Variants in GRK5 observed in about 807,000 individuals in gnomAD.
The protein encoded by GRK5 is G protein-coupled receptor kinase 5.
GRK5 carries 40 observed loss-of-function variants against 78.4 expected under a neutral mutation model. The observed-to-expected ratio is 0.51, with a 90% CI of 0.40 to 0.66. The LOEUF is 0.66. GRK5 is among the 30% of genes least tolerant of loss of function. GRK5 has a pLI of 0.00. For synonymous variants in GRK5, 289 were observed against 296.8 expected (o/e 0.97, Z 0.27); for missense variants, 598 against 759.9 (o/e 0.79, Z 2.50).
chr10:119,310,585 C>G (rs914171836), intron 1 of GRK5, among the ~76,000 whole-genome samples: 15 of 152,074 alleles, frequency 9.9e-5, no homozygotes, highest in African/African-American at 3.6e-4. Context: ...TCTGCTACTT[C>G]TTGGGAAAAG....
At chr10:119,417,965 G>A (rs749774720) in intron 4 of GRK5, among the ~76,000 whole-genome samples, 9 of 152,184 alleles carry the variant, frequency 5.9e-5, no homozygotes, top group Admixed American at 1.3e-4. Context: ...GGAACTGCCC[G>A]GATCCCCAGA....
intron 1 of GRK5, among the ~76,000 whole-genome samples, chr10:119,215,775 C>T (rs1384747428): frequency 2.6e-5 from 4 of 152,052 alleles, no homozygotes; most frequent in Non-Finnish European, 5.9e-5. Context: ...GCCCCATGTT[C>T]CTTCTTGAAA....
chr10:119,289,924 CT>C (rs1849919944), intron 1 of GRK5, among the ~76,000 whole-genome samples: 1 of 152,162 alleles, frequency 6.6e-6, no homozygotes, highest in Non-Finnish European at 1.5e-5. Flanking sequence ...GTATTTAAAA[CT>C]TTATGGTCAG....
chr10:119,302,739 T>C (rs768774231), intron 1 of GRK5, among the ~76,000 whole-genome samples: 60 of 152,092 alleles, frequency 3.9e-4, no homozygotes, highest in Non-Finnish European at 3.8e-4. Flanking sequence ...GATCAGAGGC[T>C]GCAGAGCCTG....
intron 1 of GRK5, among the ~76,000 whole-genome samples, chr10:119,291,921 TTCC>T (rs1301383056): frequency 7.5e-6 from 1 of 134,044 alleles, no homozygotes; most frequent in African/African-American, 2.8e-5. Flanking sequence ...CCTCTTCTTC[TTCC>T]TCCTTCTTTT....
intron 2 of GRK5, among the ~76,000 whole-genome samples, chr10:119,357,188 A>C (rs1745155513): frequency 6.6e-6 from 1 of 152,248 alleles, no homozygotes; most frequent in African/African-American, 2.4e-5. Flanking sequence ...TTAATGACAG[A>C]GCAGGGCTGG....
chr10:119,364,089 C>G (rs1396370807), intron 2 of GRK5, among the ~76,000 whole-genome samples: 1 of 152,198 alleles, frequency 6.6e-6, no homozygotes, highest in African/African-American at 2.4e-5. Flanking sequence ...TCTGCTGATC[C>G]TCGGATTCTC....
intron 1 of GRK5, among the ~76,000 whole-genome samples, chr10:119,294,445 T>C (rs1850043807): frequency 6.6e-6 from 1 of 152,176 alleles, no homozygotes; most frequent in Non-Finnish European, 1.5e-5. Context: ...AGGCAGGCAC[T>C]GTCCTGACCC....
intron 9 of GRK5, among the ~76,000 whole-genome samples, chr10:119,438,090 A>G (rs957242029): frequency 6.6e-6 from 1 of 152,224 alleles, no homozygotes; most frequent in African/African-American, 2.4e-5. Flanking sequence ...CTCCGTCTCA[A>G]AATAAAATAA....
intron 2 of GRK5, among the ~76,000 whole-genome samples, chr10:119,345,225 C>T (rs1262039177): frequency 6.6e-6 from 1 of 152,202 alleles, no homozygotes; most frequent in Non-Finnish European, 1.5e-5. Flanking sequence ...GCCTCGGCCT[C>T]CCAAAGTGCT....
chr10:119,435,716 A>G (rs1852906293), intron 8 of GRK5, among the ~76,000 whole-genome samples: 1 of 151,820 alleles, frequency 6.6e-6, no homozygotes. Context: ...TCCAACCTCT[A>G]CCTGTTACCG....
chr10:119,343,831 A>G (rs1465794170), intron 2 of GRK5, among the ~76,000 whole-genome samples: 2 of 152,218 alleles, frequency 1.3e-5, no homozygotes, highest in Non-Finnish European at 2.9e-5. Flanking sequence ...AGCAAAGGGA[A>G]GCCATGGACA....
At chr10:119,260,303 G>A (rs75767068) in intron 1 of GRK5, among the ~76,000 whole-genome samples, 3,723 of 151,532 alleles carry the variant, frequency 0.025, 65 homozygotes, top group Admixed American at 0.055. Context: ...ACCGGCCAAG[G>A]TCAGTTTTTT....
intron 1 of GRK5, among the ~76,000 whole-genome samples, chr10:119,278,012 T>G (rs1457030274): frequency 2.6e-5 from 4 of 152,222 alleles, no homozygotes; most frequent in Non-Finnish European, 5.9e-5. Context: ...GGTGGGTTGT[T>G]TCTAGTCTCT....
At chr10:119,335,795 T>A (rs1208194847) in intron 2 of GRK5, 2 of 152,268 alleles carry the variant, frequency 1.3e-5, no homozygotes, top group African/African-American at 4.8e-5. Flanking sequence ...CCTGGAAGGA[T>A]CTCTGTCACT....
Position 119,262,123 on chromosome 10 carries a change from C to T in GRK5, c.52+54154C>T, listed in dbSNP as rs1589709236. 2.6e-5 allele frequency among the ~76,000 whole-genome samples: 4 copies of T among 152,134 alleles called. 1 individual carries two copies. The highest frequency in any genetic ancestry group is 1.9e-4 in the East Asian group (1 of 5,178). ...TACCTATTTTGTGTTGTCAGATGTA[C>T]GTGTGTGAGTTACTGATTTTCTTCC... is the stretch of plus-strand genomic sequence containing the variant. On this transcript the variant is annotated intron_variant, in intron 1 of 15. Coordinates refer to ENST00000392870, the MANE Select transcript of GRK5 (RefSeq NM_005308.3).
intron 13 of GRK5, among the ~76,000 whole-genome samples, chr10:119,449,925 A>G (rs892675971): frequency 3.9e-5 from 6 of 152,200 alleles, no homozygotes; most frequent in African/African-American, 1.4e-4. Context: ...AGCATGAACA[A>G]CACTCGCCTT....
At chr10:119,446,915 G>A (rs1853161188) in intron 12 of GRK5, among the ~76,000 whole-genome samples, 1 of 152,226 alleles carries the variant, frequency 6.6e-6, no homozygotes, top group African/African-American at 2.4e-5. Flanking sequence ...GGATGAATAT[G>A]AGCAAAGCGC....
At chr10:119,214,336 G>T (rs1487136453) in intron 1 of GRK5, among the ~76,000 whole-genome samples, 1 of 152,110 alleles carries the variant, frequency 6.6e-6, no homozygotes, top group African/African-American at 2.4e-5. Context: ...TTTCCCCGAA[G>T]AGCTGAGGCT....
Sources: gnomAD v4.1 joint callset for allele counts (sites outside exome capture counted in the v4.1 genomes callset) on GRCh38, gnomAD v4.1.1 for gene constraint, MANE v1.5 for transcripts, NCBI Gene and HGNC (gene_info 2026-07-23, HGNC 2026-07-21) for gene names.